The following DNAJC3 variants were observed in gnomAD, a reference collection of about 807,000 sequenced individuals.
DNAJC3 encodes DnaJ heat shock protein family (Hsp40) member C3.
Under a neutral mutation model 68.6 loss-of-function variants are expected in DNAJC3, and 38 were observed. The ratio of observed to expected loss-of-function variants is 0.55; its 90% CI spans 0.43 to 0.73. The LOEUF (loss-of-function observed/expected upper bound fraction) is 0.73. Ranked by LOEUF, DNAJC3 falls within the 30% of genes least tolerant of loss-of-function variation. DNAJC3 has a pLI of 0.00. For missense variants in DNAJC3, 526 were observed against 591.9 expected, an observed-to-expected ratio of 0.89 and a Z score of 1.16; for synonymous variants, 203 against 204.0, an observed-to-expected ratio of 1.00 and a Z score of 0.04.
In DNAJC3 at chr13:95,791,653, A is replaced by T. The variant is rs1209169796; in HGVS notation, c.*623A>T. ...CAAATAATAATATATCCAGGCTTAG[A>T]CTTTGGATTAATGTTAAATGTACAT... is the stretch of plus-strand genomic sequence containing the variant. On this transcript the variant is annotated 3_prime_UTR_variant, in exon 12 of 12. Coordinates refer to ENST00000602402, the MANE Select transcript of DNAJC3 (RefSeq NM_006260.5). 2 of 152,324 alleles carry T rather than the reference A, an allele frequency of 1.3e-5. No homozygotes were observed. Among genetic ancestry groups the T allele is most frequent in the South Asian group, 4.1e-4 (2 of 4,844 alleles). 9.4% of individuals were successfully genotyped at this position (152,324 alleles called of 1,614,324 possible).
Position 95,685,626 on chromosome 13 carries a change from C to G in DNAJC3, c.82+8289C>G, listed in dbSNP as rs533847420. On this transcript the variant is annotated intron_variant, in intron 1 of 11. Transcript: ENST00000602402. ...TGATATGGTTTGGATCTGTGCCCCACCCAAATCTTATGTTGAATTGTAATC... is the reference window on the plus strand; with the variant it reads ...TGATATGGTTTGGATCTGTGCCCCAGCCAAATCTTATGTTGAATTGTAATC... Among the ~76,000 whole-genome samples the G allele has an allele frequency of 1.3e-3, 195 of 151,908 alleles. 1 individual carries two copies. The highest frequency in any genetic ancestry group is 4.3e-3 in the African/African-American group (180 of 41,418).
At chr13:95,689,683 G>A (rs907284494) in intron 1 of DNAJC3, among the ~76,000 whole-genome samples, 3 of 151,762 alleles carry the variant, frequency 2.0e-5, no homozygotes, top group African/African-American at 4.8e-5. Flanking sequence ...TTGAGGTGTG[G>A]TGTGTGGTTG....
chr13:95,693,778 C>T (rs1880350853), intron 1 of DNAJC3: 1 of 150,658 alleles, frequency 6.6e-6, no homozygotes, highest in African/African-American at 2.5e-5. Context: ...AACCACAATC[C>T]ATTGTACAAC....
chr13:95,779,354 G>C (rs1423515793), intron 9 of DNAJC3, among the ~76,000 whole-genome samples: 1 of 151,874 alleles, frequency 6.6e-6, no homozygotes, highest in Non-Finnish European at 1.5e-5. Context: ...TCGATCTCCT[G>C]ACCTCGTGAT....
intron 4 of DNAJC3, among the ~76,000 whole-genome samples, chr13:95,747,383 A>G (rs1237326671): frequency 6.6e-6 from 1 of 152,174 alleles, no homozygotes; most frequent in Non-Finnish European, 1.5e-5. Flanking sequence ...CTTGCTTGAA[A>G]TCTGAATTTT....
intron 1 of DNAJC3, among the ~76,000 whole-genome samples, chr13:95,683,459 A>G (rs1182062564): frequency 3.9e-5 from 6 of 152,158 alleles, no homozygotes; most frequent in Non-Finnish European, 7.3e-5. Flanking sequence ...CTGGTTGTTT[A>G]AAAGTGTGCA....
chr13:95,779,111 T>C (rs905986376), intron 9 of DNAJC3, among the ~76,000 whole-genome samples: 4 of 143,474 alleles, frequency 2.8e-5, no homozygotes, highest in African/African-American at 5.2e-5. Context: ...TTTGATATTT[T>C]CTTCTTTCTT....
In DNAJC3 at chr13:95,763,714, G is replaced by A. The variant is rs774571556; in HGVS notation, c.920G>A (p.Arg307His). The change falls in exon 8 of 12, where the codon CGT becomes CAT. Residue 307 changes from arginine (R) to histidine (H), a missense_variant. By Grantham distance (29) the Arg-to-His change is conservative. Coordinates refer to ENST00000602402, the MANE Select transcript of DNAJC3 (RefSeq NM_006260.5). ...CCAAGCATTGCTGAATATACAGTTC[G>A]TTCAAAGGAGAGGATTTGCCACTGC... ...TEPSIAEYTV[R>H]SKERICHCFS... is the part of the protein sequence containing the mutation. The A allele has an allele frequency of 1.1e-5, 17 of 1,613,890 alleles. No homozygotes were observed. The highest frequency in any genetic ancestry group is 1.6e-4 in the Middle Eastern group (1 of 6,080).
intron 2 of DNAJC3, among the ~76,000 whole-genome samples, chr13:95,713,749 C>T (rs932500265): frequency 1.4e-4 from 21 of 152,216 alleles, no homozygotes; most frequent in Admixed American, 3.9e-4. Flanking sequence ...GTATTCTTTG[C>T]CTTGACCATG....
At chr13:95,717,303 T>TA (rs1231730747) in intron 2 of DNAJC3, among the ~76,000 whole-genome samples, 1 of 152,222 alleles carries the variant, frequency 6.6e-6, no homozygotes, top group African/African-American at 2.4e-5. Context: ...TTATATCACT[T>TA]AAACTTGTTA....
At chr13:95,752,059 C>T (rs1028958218) in intron 4 of DNAJC3, among the ~76,000 whole-genome samples, 42 of 152,148 alleles carry the variant, frequency 2.8e-4, no homozygotes, top group African/African-American at 9.7e-4. Context: ...GGGGACACAG[C>T]CAAACCACAT....
chr13:95,706,136 A>C (rs1880737432), intron 1 of DNAJC3, among the ~76,000 whole-genome samples: 1 of 152,258 alleles, frequency 6.6e-6, no homozygotes, highest in South Asian at 2.1e-4. Context: ...TAAATGTGGG[A>C]TCTCTAGTAC....
At chr13:95,684,822 C>G (rs1021113845) in intron 1 of DNAJC3, among the ~76,000 whole-genome samples, 50 of 152,254 alleles carry the variant, frequency 3.3e-4, no homozygotes, top group Admixed American at 1.4e-3. Context: ...CAGACGGTGC[C>G]AGCCCAAACC....
At chr13:95,754,563 TGGGCTG>T in intron 4 of DNAJC3, among the ~76,000 whole-genome samples, 1 of 150,938 alleles carries the variant, frequency 6.6e-6, no homozygotes, top group Non-Finnish European at 1.5e-5. Flanking sequence ...AGGCCAGGCA[TGGGCTG>T]GGTGCAGTGG....
At chr13:95,686,360 T>C (rs570599659) in intron 1 of DNAJC3, among the ~76,000 whole-genome samples, 1 of 152,366 alleles carries the variant, frequency 6.6e-6, no homozygotes, top group South Asian at 2.1e-4. Context: ...AGGCATAATT[T>C]GCAAATGTTT....
intron 4 of DNAJC3, among the ~76,000 whole-genome samples, chr13:95,750,972 G>A (rs971126171): frequency 1.3e-5 from 2 of 152,210 alleles, no homozygotes; most frequent in African/African-American, 4.8e-5. Flanking sequence ...AGGGCCAGTT[G>A]AGGAGGCTCA....
intron 1 of DNAJC3, 39 bp downstream of exon 1, chr13:95,677,376 G>C: frequency 6.5e-7 from 1 of 1,544,922 alleles, no homozygotes; most frequent in Non-Finnish European, 8.7e-7. Flanking sequence ...GTGGGCTCCC[G>C]GACCAGGCCC....
chr13:95,789,693 A>G (rs576168159), intron 11 of DNAJC3, among the ~76,000 whole-genome samples: 1 of 152,344 alleles, frequency 6.6e-6, no homozygotes, highest in Admixed American at 6.5e-5. Context: ...GCTGAGTTGA[A>G]TGGTATTTCT....
chr13:95,752,239 CTTTG>C (rs1882502126), intron 4 of DNAJC3, among the ~76,000 whole-genome samples: 1 of 152,016 alleles, frequency 6.6e-6, no homozygotes, highest in Non-Finnish European at 1.5e-5. Flanking sequence ...CACCAAAGAG[CTTTG>C]TTTATCGGTA....
Sources: gnomAD v4.1 joint callset for allele counts (sites outside exome capture counted in the v4.1 genomes callset) on GRCh38, gnomAD v4.1.1 for gene constraint, MANE v1.5 for transcripts, NCBI Gene and HGNC (gene_info 2026-07-23, HGNC 2026-07-21) for gene names.